FNIP1: variants seen among roughly 807,000 people sequenced by gnomAD.
FNIP1 encodes the protein folliculin interacting protein 1, also known as folliculin-interacting protein 1.
Under a neutral mutation model 124.5 loss-of-function variants are expected in FNIP1, and 40 were observed. The observed-to-expected ratio is 0.32, with a 90% confidence interval of 0.25 to 0.42. The LOEUF is 0.42. Ranked by LOEUF, FNIP1 falls within the 10% of genes least tolerant of loss-of-function variation. The probability of loss-of-function intolerance (pLI) is 1.00; values close to 1 mark genes in which losing one functional copy is unlikely to be tolerated. For synonymous variants in FNIP1, 472 were observed against 470.6 expected, an observed-to-expected ratio of 1.00 and a Z score of -0.04; for missense variants, 1,176 against 1,403.7, an observed-to-expected ratio of 0.84 and a Z score of 2.59.
At chr5:131,653,522 A>G (rs1387854243) in intron 15 of FNIP1, among the ~76,000 whole-genome samples, 1 of 151,994 alleles carries the variant, frequency 6.6e-6, no homozygotes, top group African/African-American at 2.4e-5. Flanking sequence ...CTGGGCAACA[A>G]GAGCGAAATT....
At chr5:131,648,035 A>C (rs1177622632) in intron 16 of FNIP1, among the ~76,000 whole-genome samples, 1 of 152,000 alleles carries the variant, frequency 6.6e-6, no homozygotes, top group Admixed American at 6.6e-5. Context: ...TGAAAGACTG[A>C]AAATTAAAAC....
intron 15 of FNIP1, 73 bp from the exon 16 acceptor site, chr5:131,652,072 A>C: frequency 1.1e-5 from 16 of 1,408,482 alleles, no homozygotes; most frequent in Non-Finnish European, 1.5e-5. Flanking sequence ...TTCAGCAATG[A>C]AGGTTTACTA....
At chr5:131,772,452 TAA>T in intron 1 of FNIP1, among the ~76,000 whole-genome samples, 1 of 150,696 alleles carries the variant, frequency 6.6e-6, no homozygotes, top group Admixed American at 6.6e-5. Context: ...TGTAATGATC[TAA>T]AAGTGATTGA....
intron 13 of FNIP1, among the ~76,000 whole-genome samples, chr5:131,673,186 T>G (rs1421150359): frequency 6.6e-6 from 1 of 151,944 alleles, no homozygotes. Context: ...TAGCTGGGAC[T>G]ATAAGCGCGT....
intron 1 of FNIP1, among the ~76,000 whole-genome samples, chr5:131,775,771 G>A (rs888536575): frequency 1.6e-4 from 24 of 151,854 alleles, no homozygotes; most frequent in African/African-American, 2.7e-4. Context: ...CAGGTGATCC[G>A]CCCGCCTCAG....
chr5:131,672,021 G>C lies in FNIP1; in HGVS notation c.2423C>G (p.Ser808Cys). ...KQTTKDQSGE[S>C]DTQNMVSEEP... ...TTCAGAAACCATGTTCTGTGTATCA[G>C]ACTCTCCAGATTGGTCCTTGGTTGT... The change falls in exon 14 of 18, where the codon TCT becomes TGT. Residue 808 changes from serine to cysteine, a missense_variant. Physicochemically the swap from Ser to Cys is moderately radical, Grantham distance 112. Around this residue, in one of 2 missense-constraint regions of FNIP1, gnomAD observed 1,109 missense variants for 1,288.5 expected, o/e 0.86. Coordinates refer to ENST00000510461, the MANE Select transcript of FNIP1 (RefSeq NM_133372.3). 6.2e-7 allele frequency: 1 copy of C among 1,614,156 alleles called. No homozygotes were observed. The highest frequency in any genetic ancestry group is 8.5e-7 in the Non-Finnish European group (1 of 1,180,016).
intron 11 of FNIP1, among the ~76,000 whole-genome samples, chr5:131,696,861 T>C (rs983107544): frequency 6.6e-6 from 1 of 152,118 alleles, no homozygotes; most frequent in Non-Finnish European, 1.5e-5. Flanking sequence ...TTCATATCTT[T>C]TATCCTAAAC....
chr5:131,756,818 T>G (rs180865709), intron 1 of FNIP1, among the ~76,000 whole-genome samples: 1 of 152,246 alleles, frequency 6.6e-6, no homozygotes, highest in East Asian at 1.9e-4. Flanking sequence ...TCCAGCATAA[T>G]CATCAAAGAA....
intron 2 of FNIP1, among the ~76,000 whole-genome samples, chr5:131,741,658 A>G (rs1350059585): frequency 6.6e-6 from 1 of 152,212 alleles, no homozygotes; most frequent in Non-Finnish European, 1.5e-5. Flanking sequence ...CACTCCAGAT[A>G]AAAGGTACTC....
chr5:131,671,768 G>A lies in FNIP1; in HGVS notation c.2676C>T (p.Pro892=). 2 of 1,614,030 alleles carry A rather than the reference G, an allele frequency of 1.2e-6. No individual in the cohort carries two copies. The highest frequency in any genetic ancestry group is 1.7e-6 in the Non-Finnish European group (2 of 1,179,994). ...GAAAGCAGGTTTTACATGAATCTTG[G>A]GGAACTGTTTCTATACATTTACAAA... ...NEFCKCIETV[P]QDSCKTCFPQ... The change falls in exon 14 of 18, where the codon CCC becomes CCT. Residue 892 remains proline (P), a synonymous_variant. Transcript: ENST00000510461.
At chr5:131,681,645 T>A (rs1025707630) in intron 11 of FNIP1, among the ~76,000 whole-genome samples, 2 of 111,850 alleles carry the variant, frequency 1.8e-5, no homozygotes, top group East Asian at 2.2e-4. Context: ...TAAGAAAGCA[T>A]CAAAGATTTG....
chr5:131,713,876 G>C lies in FNIP1; in HGVS notation c.622+2689C>G, dbSNP rs139446286. ...CATTATCTGTCATTTGGAGTAACATGATCAGCCTTCTAATATGGGCCTTTT... is the reference window on the plus strand; with the variant it reads ...CATTATCTGTCATTTGGAGTAACATCATCAGCCTTCTAATATGGGCCTTTT... On this transcript the variant is annotated intron_variant, in intron 6 of 17. Transcript: ENST00000510461. Among the ~76,000 whole-genome samples the C allele has an allele frequency of 8.2e-4, 125 of 152,292 alleles. 3 individuals are homozygous for C. The East Asian group carries it at 0.024, about 29-fold the overall frequency.
intron 1 of FNIP1, among the ~76,000 whole-genome samples, chr5:131,756,181 C>A (rs772259458): frequency 2.0e-5 from 3 of 151,934 alleles, no homozygotes; most frequent in Admixed American, 6.6e-5. Context: ...GAAGGAATAA[C>A]CATATAGCAA....
At chr5:131,706,576 G>T (rs1185365054) in intron 8 of FNIP1, 30 bp from the exon 9 acceptor site, 16 of 1,498,856 alleles carry the variant, frequency 1.1e-5, no homozygotes, top group Non-Finnish European at 1.4e-5. Context: ...ACAAGTATAA[G>T]TCAATAATGA....
intron 1 of FNIP1, among the ~76,000 whole-genome samples, chr5:131,791,704 C>T (rs1201386550): frequency 6.6e-6 from 1 of 152,086 alleles, no homozygotes; most frequent in African/African-American, 2.4e-5. Context: ...TGCCTAACTG[C>T]AAATGCAATA....
At chr5:131,778,445 G>GAT (rs1771884268) in intron 1 of FNIP1, among the ~76,000 whole-genome samples, 2 of 150,998 alleles carry the variant, frequency 1.3e-5, no homozygotes, top group African/African-American at 2.4e-5. Context: ...ACCACTATGA[G>GAT]ATATCATCTC....
At chr5:131,716,373 T>A (rs1158632131) in intron 6 of FNIP1, among the ~76,000 whole-genome samples, 192 bp downstream of exon 6, 1 of 152,216 alleles carries the variant, frequency 6.6e-6, no homozygotes, top group African/African-American at 2.4e-5. Context: ...ATAAATATTG[T>A]GTTCAAATAT....
At chr5:131,789,389 A>G (rs1445923404) in intron 1 of FNIP1, among the ~76,000 whole-genome samples, 2 of 152,204 alleles carry the variant, frequency 1.3e-5, no homozygotes, top group Non-Finnish European at 2.9e-5. Flanking sequence ...GATTCTTATA[A>G]TTGTTGGTAA....
At position 131,694,364 on chromosome 5, in the gene FNIP1, T is replaced by A. The variant is rs75258755; in HGVS notation, c.1202+4553A>T. Among the ~76,000 whole-genome samples the A allele has an allele frequency of 5.1e-3, 783 of 152,240 alleles. 4 individuals are homozygous for A. The highest frequency in any genetic ancestry group is 0.017 in the African/African-American group (718 of 41,534). ...AAATGAATAAACAAACTGTGTTACATCTATATAATGGAATATTACTCGATG... is the reference window on the plus strand; with the variant it reads ...AAATGAATAAACAAACTGTGTTACAACTATATAATGGAATATTACTCGATG... On this transcript the variant is annotated intron_variant, in intron 11 of 17. Coordinates refer to ENST00000510461, the MANE Select transcript of FNIP1 (RefSeq NM_133372.3).
Sources: allele counts gnomAD v4.1 joint callset (sites outside exome capture counted in the v4.1 genomes callset), GRCh38; gene constraint gnomAD v4.1.1; regional missense constraint gnomAD v4.1.1; transcripts MANE v1.5; gene names NCBI Gene and HGNC (gene_info 2026-07-23, HGNC 2026-07-21).